The following CSTF3 variants were observed in gnomAD, a reference collection of about 807,000 sequenced individuals.
The protein encoded by CSTF3 is cleavage stimulation factor subunit 3.
CSTF3 carries 29 observed loss-of-function variants against 105.8 expected under a neutral mutation model. The observed-to-expected ratio is 0.27, with a 90% confidence interval of 0.20 to 0.37. The LOEUF (loss-of-function observed/expected upper bound fraction) is 0.37. Among genes scored for constraint, CSTF3 ranks in the 10% least tolerant of loss-of-function variants. The pLI, the probability that CSTF3 is intolerant of heterozygous loss-of-function variation, is 1.00. For synonymous variants in CSTF3, 252 were observed against 281.9 expected, an observed-to-expected ratio of 0.89 and a Z score of 1.06; for missense variants, 357 against 879.3, an observed-to-expected ratio of 0.41 and a Z score of 7.51.
At chr11:33,146,829 G>T (rs1481154712) in intron 1 of CSTF3, among the ~76,000 whole-genome samples, 2 of 149,152 alleles carry the variant, frequency 1.3e-5, no homozygotes, top group East Asian at 3.9e-4. Flanking sequence ...ACAAAATAAA[G>T]AATTCTTTCA....
At chr11:33,096,024 T>G (rs1465135782) in intron 15 of CSTF3, among the ~76,000 whole-genome samples, 2 of 152,108 alleles carry the variant, frequency 1.3e-5, no homozygotes, top group African/African-American at 4.8e-5. Context: ...TCATCAGAGA[T>G]GAATATAAAC....
intron 9 of CSTF3, 120 bp from the exon 10 acceptor site, chr11:33,102,459 TTAATA>T (rs1238285405): frequency 1.2e-6 from 1 of 800,884 alleles, no homozygotes; most frequent in African/African-American, 1.7e-5. Context: ...TACCACTTTG[TTAATA>T]TAATCTAAAA....
intron 2 of CSTF3, 22 bp from the exon 3 acceptor site, chr11:33,141,784 C>T: frequency 6.3e-7 from 1 of 1,584,050 alleles, no homozygotes; most frequent in Non-Finnish European, 8.5e-7. Context: ...AACCAATAAA[C>T]AGCATTTACA....
At chr11:33,145,297 C>T (rs2133801937) in intron 1 of CSTF3, among the ~76,000 whole-genome samples, 1 of 151,984 alleles carries the variant, frequency 6.6e-6, no homozygotes, top group South Asian at 2.1e-4. Context: ...ATTAGTGGGG[C>T]ATGGTGGCAT....
chr11:33,159,392 T>TC (rs1849907765), intron 1 of CSTF3, among the ~76,000 whole-genome samples: 1 of 151,830 alleles, frequency 6.6e-6, no homozygotes, highest in Non-Finnish European at 1.5e-5. Context: ...GGTCAGGAGT[T>TC]CGAGACCAGC....
chr11:33,131,601 C>T (rs1855599650), intron 3 of CSTF3, among the ~76,000 whole-genome samples: 1 of 152,046 alleles, frequency 6.6e-6, no homozygotes, highest in Non-Finnish European at 1.5e-5. Context: ...AATCCCCGCA[C>T]TTTGGGAGGC....
chr11:33,158,278 A>G (rs927963572), intron 1 of CSTF3, among the ~76,000 whole-genome samples: 2 of 152,220 alleles, frequency 1.3e-5, no homozygotes, highest in Non-Finnish European at 2.9e-5. Flanking sequence ...AGGAAAAGAT[A>G]TAAGAACCAC....
chr11:33,148,915 A>C (rs4756082), intron 1 of CSTF3, among the ~76,000 whole-genome samples: 82,167 of 146,954 alleles, frequency 0.56, 25,391 homozygotes, highest in Non-Finnish European at 0.69. Context: ...TGATCTAGAG[A>C]TCCTGGGCTC....
chr11:33,144,798 C>T (rs1236207754), intron 1 of CSTF3: 24 of 161,366 alleles, frequency 1.5e-4, no homozygotes, highest in Admixed American at 1.3e-4. Flanking sequence ...CTGGGCAACA[C>T]GGCAGAATCC....
At chr11:33,149,378 T>C (rs181553942) in intron 1 of CSTF3, among the ~76,000 whole-genome samples, 4 of 152,346 alleles carry the variant, frequency 2.6e-5, no homozygotes, top group East Asian at 1.9e-4. Context: ...CTGCTGGTTA[T>C]GGTCACATTT....
intron 3 of CSTF3, among the ~76,000 whole-genome samples, chr11:33,113,347 G>C (rs892891073): frequency 6.6e-6 from 1 of 151,782 alleles, no homozygotes; most frequent in South Asian, 2.1e-4. Flanking sequence ...AATGACAGAG[G>C]CTCTTAATAG....
intron 1 of CSTF3, among the ~76,000 whole-genome samples, chr11:33,146,179 A>G (rs915762129): frequency 2.0e-5 from 3 of 152,012 alleles, no homozygotes; most frequent in African/African-American, 7.2e-5. Flanking sequence ...CAGAGGTTGC[A>G]GTAAGCCAAG....
intron 3 of CSTF3, among the ~76,000 whole-genome samples, chr11:33,138,851 T>C (rs1565016530): frequency 6.6e-6 from 1 of 151,864 alleles, no homozygotes; most frequent in Non-Finnish European, 1.5e-5. Flanking sequence ...TAATTTGGCC[T>C]AGTTTTTGAA....
intron 15 of CSTF3, 26 bp downstream of exon 15, chr11:33,096,280 C>A: frequency 7.4e-7 from 1 of 1,346,058 alleles, no homozygotes; most frequent in South Asian, 1.3e-5. Flanking sequence ...ATTAAGTAAT[C>A]ATTATAGATT....
chr11:33,085,389 A>G, intron 20 of CSTF3, 100 bp from the exon 21 acceptor site: 2 of 961,858 alleles, frequency 2.1e-6, no homozygotes, highest in African/African-American at 1.6e-5. Context: ...CTATTTTAGC[A>G]AAACATGGGA....
intron 8 of CSTF3, among the ~76,000 whole-genome samples, 191 bp downstream of exon 8, chr11:33,105,375 TC>T (rs1250121144): frequency 1.3e-5 from 2 of 152,352 alleles, no homozygotes; most frequent in East Asian, 1.9e-4. Context: ...GAACTATTGT[TC>T]TTCAGAGTAT....
chr11:33,089,912 GT>G (rs1855150085), intron 17 of CSTF3, among the ~76,000 whole-genome samples: 1 of 152,172 alleles, frequency 6.6e-6, no homozygotes, highest in African/African-American at 2.4e-5. Context: ...CTGGGGCTTT[GT>G]AAATATTAAT....
intron 3 of CSTF3, among the ~76,000 whole-genome samples, chr11:33,135,955 T>C (rs1855648942): frequency 6.6e-6 from 1 of 152,140 alleles, no homozygotes; most frequent in African/African-American, 2.4e-5. Flanking sequence ...TGGGATCTTG[T>C]TATCTTTGAC....
intron 1 of CSTF3, chr11:33,156,777 G>A (rs1236352577): frequency 6.6e-6 from 3 of 451,192 alleles, no homozygotes; most frequent in Admixed American, 2.4e-5. Flanking sequence ...GACCAGCCTG[G>A]GAAACACAGT....
Sources: gnomAD v4.1 joint callset for allele counts (sites outside exome capture counted in the v4.1 genomes callset) on GRCh38, gnomAD v4.1.1 for gene constraint, MANE v1.5 for transcripts, NCBI Gene and HGNC (gene_info 2026-07-23, HGNC 2026-07-21) for gene names.